KCNB2: variants seen among roughly 807,000 people sequenced by gnomAD.
KCNB2 encodes delayed rectifier potassium channel protein.
Under a neutral mutation model 61.5 loss-of-function variants are expected in KCNB2, and 15 were observed. The ratio of observed to expected loss-of-function variants is 0.24; its 90% CI spans 0.16 to 0.38. The LOEUF is 0.38. Among genes scored for constraint, KCNB2 ranks in the 10% least tolerant of loss-of-function variants. KCNB2 has a pLI of 1.00. For synonymous variants in KCNB2, 457 were observed against 446.0 expected (o/e 1.02, Z -0.31); for missense variants, 828 against 1,125.2 (o/e 0.74, Z 3.78).
chr8:72,725,078 A>C (rs1807609945), intron 2 of KCNB2, among the ~76,000 whole-genome samples: 1 of 152,124 alleles, frequency 6.6e-6, no homozygotes, highest in Non-Finnish European at 1.5e-5. Context: ...CTCCATTTAA[A>C]AAAATATGTT....
At chr8:72,577,322 A>T (rs1285134143) in intron 2 of KCNB2, among the ~76,000 whole-genome samples, 5 of 139,344 alleles carry the variant, frequency 3.6e-5, no homozygotes, top group Non-Finnish European at 8.1e-5. Flanking sequence ...TGTGTGTGTG[A>T]GAAAGAGATA....
chr8:72,842,897 C>T (rs912804867), intron 2 of KCNB2, among the ~76,000 whole-genome samples: 9 of 152,118 alleles, frequency 5.9e-5, no homozygotes, highest in African/African-American at 2.2e-4. Context: ...CTCCTGGATC[C>T]GTTGATTTTT....
intron 2 of KCNB2, among the ~76,000 whole-genome samples, chr8:72,604,274 T>C (rs1213467482): frequency 6.6e-6 from 1 of 152,204 alleles, no homozygotes; most frequent in Non-Finnish European, 1.5e-5. Context: ...GAATGCTCCA[T>C]CTATAATCTA....
At chr8:72,569,329 G>T (rs896810857) in intron 2 of KCNB2, among the ~76,000 whole-genome samples, 3 of 152,116 alleles carry the variant, frequency 2.0e-5, no homozygotes, top group Non-Finnish European at 2.9e-5. Flanking sequence ...CTTCTCTCGT[G>T]AACAGTAATG....
At chr8:72,841,372 C>CTTTTTTTTTTTTTTTTTT (rs769263287) in intron 2 of KCNB2, among the ~76,000 whole-genome samples, 27 of 34,222 alleles carry the variant, frequency 7.9e-4, no homozygotes, top group Admixed American at 1.7e-3. Flanking sequence ...TTTTTTTTTT[C>CTTTTTTTTTTTTTTTTTT]TTTTTTTTTT....
intron 2 of KCNB2, among the ~76,000 whole-genome samples, chr8:72,914,519 A>G (rs958415924): frequency 1.3e-5 from 2 of 152,190 alleles, no homozygotes; most frequent in African/African-American, 4.8e-5. Flanking sequence ...TGAATGCAAT[A>G]GTTTATGTGG....
At chr8:72,601,604 G>A (rs1447404294) in intron 2 of KCNB2, among the ~76,000 whole-genome samples, 1 of 152,150 alleles carries the variant, frequency 6.6e-6, no homozygotes, top group African/African-American at 2.4e-5. Context: ...TGGATGGTGG[G>A]ACTCATTACA....
At chr8:72,867,938 A>G (rs967971004) in intron 2 of KCNB2, among the ~76,000 whole-genome samples, 3 of 152,168 alleles carry the variant, frequency 2.0e-5, no homozygotes, top group Non-Finnish European at 4.4e-5. Flanking sequence ...TAAGGATGAC[A>G]TGAGGATTCA....
At chr8:72,870,776 A>G (rs1025161659) in intron 2 of KCNB2, among the ~76,000 whole-genome samples, 24 of 152,284 alleles carry the variant, frequency 1.6e-4, no homozygotes, top group African/African-American at 5.5e-4. Context: ...ATATAGAAAA[A>G]CTACCAGCCT....
At chr8:72,847,913 T>C (rs1178682176) in intron 2 of KCNB2, among the ~76,000 whole-genome samples, 1 of 152,082 alleles carries the variant, frequency 6.6e-6, no homozygotes, top group Non-Finnish European at 1.5e-5. Context: ...TTTGCTACAG[T>C]AGGAAAGCTA....
intron 2 of KCNB2, among the ~76,000 whole-genome samples, chr8:72,691,959 G>T (rs112283134): frequency 1.3e-5 from 2 of 152,132 alleles, no homozygotes; most frequent in African/African-American, 4.8e-5. Context: ...GAAGCTGGCC[G>T]GGTGCGGTGG....
At chr8:72,888,984 C>T (rs891374528) in intron 2 of KCNB2, among the ~76,000 whole-genome samples, 7 of 152,132 alleles carry the variant, frequency 4.6e-5, no homozygotes, top group Admixed American at 1.3e-4. Flanking sequence ...CTCTGGGACT[C>T]GGAAAATCTA....
At chr8:72,852,466 A>G (rs1454185478) in intron 2 of KCNB2, among the ~76,000 whole-genome samples, 1 of 152,208 alleles carries the variant, frequency 6.6e-6, no homozygotes, top group African/African-American at 2.4e-5. Context: ...TTATACCACT[A>G]TGATACAAAC....
intron 2 of KCNB2, among the ~76,000 whole-genome samples, chr8:72,618,026 C>A (rs1161681398): frequency 3.3e-5 from 5 of 152,154 alleles, no homozygotes; most frequent in African/African-American, 1.2e-4. Context: ...GCTGGTGCTG[C>A]ACAGCCTCCC....
chr8:72,743,747 C>G (rs1808009001), intron 2 of KCNB2, among the ~76,000 whole-genome samples: 1 of 152,154 alleles, frequency 6.6e-6, no homozygotes, highest in Non-Finnish European at 1.5e-5. Flanking sequence ...TGTATATATA[C>G]TATCACATTT....
chr8:72,595,740 G>A (rs143148528), intron 2 of KCNB2, among the ~76,000 whole-genome samples: 25 of 152,210 alleles, frequency 1.6e-4, no homozygotes, highest in African/African-American at 5.8e-4. Context: ...CTGTATTCCC[G>A]TATTTGGCCC....
chr8:72,806,007 G>A (rs1357239275), intron 2 of KCNB2, among the ~76,000 whole-genome samples: 1 of 152,080 alleles, frequency 6.6e-6, no homozygotes, highest in Non-Finnish European at 1.5e-5. Flanking sequence ...ATTGCAAAGG[G>A]GCAGCAATAG....
Position 72,606,714 on chromosome 8 carries a change from G to A in KCNB2, c.579+38401G>A, listed in dbSNP as rs79686066. 4.4e-3 allele frequency among the ~76,000 whole-genome samples: 664 copies of A among 152,244 alleles called. 12 individuals are homozygous for A. The highest frequency in any genetic ancestry group is 0.015 in the African/African-American group (633 of 41,552). ...GAGATCATGAATAGTCCGCCAGGAT[G>A]GGTCCCCACGGGGAAAAAGACCCAA... is the stretch of plus-strand genomic sequence containing the variant. On this transcript the variant is annotated intron_variant, in intron 2 of 2. Transcript: ENST00000523207.
intron 2 of KCNB2, among the ~76,000 whole-genome samples, chr8:72,795,026 G>A (rs1455240206): frequency 6.6e-6 from 1 of 152,202 alleles, no homozygotes; most frequent in Non-Finnish European, 1.5e-5. Context: ...CTTTCTACAT[G>A]TTAACAGATA....
Sources: gnomAD v4.1 joint callset for allele counts (sites outside exome capture counted in the v4.1 genomes callset) on GRCh38, gnomAD v4.1.1 for gene constraint, MANE v1.5 for transcripts, NCBI Gene and HGNC (gene_info 2026-07-23, HGNC 2026-07-21) for gene names.